Variants in NLRP6 observed in about 807,000 individuals in gnomAD.
NLRP6 encodes NACHT, LRR and PYD domains-containing protein 6.
In NLRP6, 55 loss-of-function variants were observed where a neutral mutation model predicts 70.9. The observed-to-expected ratio is 0.78, with a 90% CI of 0.62 to 0.97. The LOEUF (loss-of-function observed/expected upper bound fraction) is 0.97. Among genes scored for constraint, NLRP6 ranks in the 50% least tolerant of loss-of-function variants. The pLI is 0.00. For synonymous variants in NLRP6, 652 were observed against 581.9 expected, an observed-to-expected ratio of 1.12 and a Z score of -1.73; for missense variants, 1,241 against 1,238.3, an observed-to-expected ratio of 1.00 and a Z score of -0.03.
chr11:281,505 C>G lies in NLRP6; in HGVS notation c.1771C>G (p.Pro591Ala), dbSNP rs1845477977. 2 of 1,603,470 alleles carry G rather than the reference C, an allele frequency of 1.2e-6. No homozygotes were observed. Among genetic ancestry groups the G allele is most frequent in the Non-Finnish European group, 1.7e-6 (2 of 1,174,366 alleles). ...GQGQGCPGVA[P>A]EVTEGAKGLE... Reference sequence around the variant, plus strand: ...GGGACAGGGCTGCCCCGGAGTGGCACCAGAGGTGACCGAGGGGGCCAAAGG... The same window carrying G: ...GGGACAGGGCTGCCCCGGAGTGGCAGCAGAGGTGACCGAGGGGGCCAAAGG... Residue 591 changes from proline (P) to alanine (A), a missense_variant, in exon 4 of 8, where the codon CCA becomes GCA. Transcript: ENST00000534750.
At position 284,317 on chromosome 11, in the gene NLRP6, C is replaced by G; in HGVS notation, c.2286C>G (p.Leu762=). 6.2e-7 allele frequency: 1 copy of G among 1,612,448 alleles called. No homozygotes were observed. Among genetic ancestry groups the G allele is most frequent in the South Asian group, 1.1e-5 (1 of 91,076 alleles). ...CCCCCGCACTGACGGAGCTGGGCCT[C>G]CTCCACAACAGGCTCAGTGAGGCGG... is the stretch of plus-strand genomic sequence containing the variant. ...RAAPALTELG[L]LHNRLSEAGL... Residue 762 remains leucine (L), a synonymous_variant, in exon 6 of 8, where the codon CTC becomes CTG. Coordinates refer to ENST00000534750, the MANE Select transcript of NLRP6 (RefSeq NM_001276700.2).
In NLRP6 at chr11:284,028, C is replaced by T. The variant is rs142430495; in HGVS notation, c.2199-202C>T. ...TCTCCGAAGAGCTCGTAGAGAGTGT[C>T]GCAGGGAGAAATGAACACAGCTCCC... On this transcript the variant is annotated intron_variant, in intron 5 of 7. Transcript: ENST00000534750. 4.1e-3 allele frequency among the ~76,000 whole-genome samples: 619 copies of T among 152,220 alleles called. 7 individuals carry two copies. The highest frequency in any genetic ancestry group is 0.013 in the African/African-American group (554 of 41,530).
At chr11:284,096 T>G in intron 5 of NLRP6, 134 bp from the exon 6 acceptor site, 1 of 769,268 alleles carries the variant, frequency 1.3e-6, no homozygotes, top group Non-Finnish European at 2.2e-6. Flanking sequence ...CTCTGCGAGG[T>G]CCAGGGAAGG....
At position 280,783 on chromosome 11, in the gene NLRP6, C is replaced by T. The variant is rs1564832186; in HGVS notation, c.1049C>T (p.Ser350Phe). ...SPQCAEVRGF[S>F]DKDKKKYFYK... is the part of the protein sequence containing the mutation. Reference sequence around the variant, plus strand: ...CAGTGCGCCGAGGTGCGCGGCTTCTCCGACAAGGACAAGAAGAAGTATTTC... The same window carrying T: ...CAGTGCGCCGAGGTGCGCGGCTTCTTCGACAAGGACAAGAAGAAGTATTTC... The change falls in exon 4 of 8, where the codon TCC becomes TTC. Residue 350 changes from serine (S) to phenylalanine (F), a missense_variant. Ser to Phe is a radical substitution (Grantham distance 155). Transcript: ENST00000534750. 2 of 1,612,298 alleles carry T rather than the reference C, an allele frequency of 1.2e-6. No homozygotes were observed. The highest frequency in any genetic ancestry group is 2.2e-5 in the East Asian group (1 of 44,872).
intron 7 of NLRP6, 74 bp from the exon 8 acceptor site, chr11:285,092 C>T: frequency 7.1e-7 from 1 of 1,413,154 alleles, no homozygotes; most frequent in Non-Finnish European, 9.7e-7. Flanking sequence ...CCGGCTGCCC[C>T]CACGGCACTG....
rs765717185 is a variant in NLRP6 at position 280,533 on chromosome 11, A to G, written c.799A>G (p.Met267Val). ...CPDRGAPVPQ[M>V]LAQPQRLLFI... ...CGACCGCGGCGCGCCGGTGCCGCAGATGCTGGCCCAGCCGCAGCGGCTGCT... is the reference window on the plus strand; with the variant it reads ...CGACCGCGGCGCGCCGGTGCCGCAGGTGCTGGCCCAGCCGCAGCGGCTGCT... Residue 267 changes from methionine to valine, a missense_variant, in exon 4 of 8, where the codon ATG becomes GTG. Coordinates refer to ENST00000534750, the MANE Select transcript of NLRP6 (RefSeq NM_001276700.2). The G allele has an allele frequency of 6.4e-7, 1 of 1,556,554 alleles. No homozygotes were observed. Among genetic ancestry groups the G allele is most frequent in the Non-Finnish European group, 8.6e-7 (1 of 1,163,640 alleles).
chr11:282,663 T>G, intron 4 of NLRP6, 42 bp from the exon 5 acceptor site: 1 of 1,486,442 alleles, frequency 6.7e-7, no homozygotes, highest in Non-Finnish European at 9.4e-7. Flanking sequence ...GCAGGCACTG[T>G]GAGGAGCAGG....
rs746268114 is a variant in NLRP6 at position 281,604 on chromosome 11, T to G, written c.1870T>G (p.Cys624Gly). Residue 624 changes from cysteine to glycine, a missense_variant, in exon 4 of 8, where the codon TGC (cysteine) becomes GGC (glycine). Cys to Gly is a radical substitution (Grantham distance 159). Transcript: ENST00000534750. ...EPNYPLELLYCLYETQEDAFV... is the reference protein window; with the variant it reads ...EPNYPLELLYGLYETQEDAFV... ...CAACTACCCACTGGAGTTGCTGTAC[T>G]GCCTGTACGAGACGCAGGAGGACGC... The G allele has an allele frequency of 6.2e-7, 1 of 1,611,936 alleles. No homozygotes were observed. The highest frequency in any genetic ancestry group is 2.2e-5 in the East Asian group (1 of 44,880).
At chr11:279,809 A>T (rs1376484092) in intron 2 of NLRP6, 25 bp from the exon 3 acceptor site, 2 of 1,582,232 alleles carry the variant, frequency 1.3e-6, no homozygotes, top group Admixed American at 3.6e-5. Context: ...CCCTCGGCGG[A>T]ACCTCACCCC....
At position 278,618 on chromosome 11, in the gene NLRP6, T is replaced by C; in HGVS notation, c.29+20T>C. ...CTCCAGGTGAGTGCTGGCCCCAGGGTGGTCACTGGGAACCGGCTGGTCTCA... is the reference window on the plus strand; with the variant it reads ...CTCCAGGTGAGTGCTGGCCCCAGGGCGGTCACTGGGAACCGGCTGGTCTCA... On this transcript the variant is annotated intron_variant, in intron 1 of 7. Transcript: ENST00000534750. The surrounding 1 kb of genome is among the most constrained non-coding windows in gnomAD (Gnocchi z 4.7). The C allele has an allele frequency of 6.4e-7, 1 of 1,572,770 alleles. No homozygotes were observed. The highest frequency in any genetic ancestry group is 1.2e-5 in the South Asian group (1 of 86,166).
chr11:282,124 C>T (rs1845488620), intron 4 of NLRP6, among the ~76,000 whole-genome samples: 1 of 152,200 alleles, frequency 6.6e-6, no homozygotes, highest in South Asian at 2.1e-4. Context: ...TACTTTCTGA[C>T]AATAAGCTCT....
chr11:278,996 C>T lies in NLRP6; in HGVS notation c.30-331C>T, dbSNP rs1024039847. On this transcript the variant is annotated intron_variant, in intron 1 of 7. Coordinates refer to ENST00000534750, the MANE Select transcript of NLRP6 (RefSeq NM_001276700.2). The surrounding 1 kb of genome is among the most constrained non-coding windows in gnomAD (Gnocchi z 4.7). ...GAAATACCTCCCTCGGGGCATGTGACCTGTCCTGGGGTGTGGAAGGACAGA... is the reference window on the plus strand; with the variant it reads ...GAAATACCTCCCTCGGGGCATGTGATCTGTCCTGGGGTGTGGAAGGACAGA... 25 of 354,502 alleles carry T rather than the reference C, an allele frequency of 7.1e-5. No homozygotes were observed. Among genetic ancestry groups the T allele is most frequent in the Middle Eastern group, 7.0e-4 (1 of 1,426 alleles). 22.0% of individuals were successfully genotyped at this position (354,502 alleles called of 1,614,324 possible).
At chr11:284,075 G>A (rs1845517938) in intron 5 of NLRP6, among the ~76,000 whole-genome samples, 155 bp from the exon 6 acceptor site, 1 of 152,090 alleles carries the variant, frequency 6.6e-6, no homozygotes, top group Non-Finnish European at 1.5e-5. Context: ...GGTGACAAAG[G>A]GCAGGGCAGG....
At chr11:279,797 C>A in intron 2 of NLRP6, 37 bp from the exon 3 acceptor site, 1 of 1,576,750 alleles carries the variant, frequency 6.3e-7, no homozygotes, top group South Asian at 1.1e-5. Context: ...CCCCTGTTCC[C>A]GCCCTCGGCG....
Position 283,764 on chromosome 11 carries a change from G to A in NLRP6, c.2199-466G>A, listed in dbSNP as rs373192082. On this transcript the variant is annotated intron_variant, in intron 5 of 7. Transcript: ENST00000534750. ...AACTCGGCAAATTAGCTTGATATGG[G>A]GGTGGGGGATTTGGCAATCTGGAGA... is the stretch of plus-strand genomic sequence containing the variant. Among the ~76,000 whole-genome samples, 233 of 152,184 alleles carry A rather than the reference G, an allele frequency of 1.5e-3. 1 individual carries two copies. Among genetic ancestry groups the A allele is most frequent in the African/African-American group, 5.3e-3 (219 of 41,504 alleles).
At chr11:284,114 A>T in intron 5 of NLRP6, 116 bp from the exon 6 acceptor site, 1 of 891,492 alleles carries the variant, frequency 1.1e-6, no homozygotes, top group Non-Finnish European at 1.8e-6. Flanking sequence ...AGGATGTGGC[A>T]CCAACACATC....
rs776203874 is a variant in NLRP6, at chr11:279,330, G to T, written c.33G>T (p.Thr11=). The change falls in exon 2 of 8, where the codon ACG becomes ACT. Residue 11 remains threonine, a synonymous_variant. Coordinates refer to ENST00000534750, the MANE Select transcript of NLRP6 (RefSeq NM_001276700.2). The stretch of plus-strand genomic sequence containing the variant: ...ACCCGCGCCCGCCCGCCTCCAGCAC[G>T]GGGCCGCGCCTCGCGGTGGCCCGCG... The part of the protein sequence containing the change: MDQPEAPCSS[T]GPRLAVAREL... 6.6e-6 allele frequency: 8 copies of T among 1,207,826 alleles called. No individual in the cohort carries two copies. Among genetic ancestry groups the T allele is most frequent in the Middle Eastern group, 3.5e-4 (1 of 2,892 alleles). The allele number at this position is 1,207,826 out of a possible 1,614,324, so 74.8% of individuals were successfully genotyped here.
At chr11:279,762 G>GTGA in intron 2 of NLRP6, 72 bp from the exon 3 acceptor site, 1 of 1,506,772 alleles carries the variant, frequency 6.6e-7, no homozygotes, top group African/African-American at 1.4e-5. Flanking sequence ...GCTCCTCAGG[G>GTGA]TGACTCGGAC....
chr11:280,080 C>G lies in NLRP6; in HGVS notation c.350-4C>G. On this transcript the variant is annotated splice_polypyrimidine_tract_variant and splice_region_variant and intron_variant, in intron 3 of 7. Transcript: ENST00000534750. Reference sequence around the variant, plus strand: ...GTCCCCGCGCTGTCTCCCGCTGCGCCCAGAGTACAAGAAGAAGTACCGGGA... The same window carrying G: ...GTCCCCGCGCTGTCTCCCGCTGCGCGCAGAGTACAAGAAGAAGTACCGGGA... 1 of 1,479,474 alleles carries G rather than the reference C, an allele frequency of 6.8e-7. No individual in the cohort carries two copies. Among genetic ancestry groups the G allele is most frequent in the Non-Finnish European group, 9.0e-7 (1 of 1,115,714 alleles). The allele number at this position is 1,479,474 out of a possible 1,614,324, so 91.6% of individuals were successfully genotyped here. A position where few individuals can be genotyped will look rare whatever the true frequency, so the allele number is the denominator to read the frequency against.
Sources: gnomAD v4.1 joint callset for allele counts (sites outside exome capture counted in the v4.1 genomes callset) on GRCh38, gnomAD v4.1.1 for gene constraint, Gnocchi (gnomAD v3.1) non-coding constraint, MANE v1.5 for transcripts, NCBI Gene and HGNC (gene_info 2026-07-23, HGNC 2026-07-21) for gene names.